Variants in MB observed in about 807,000 individuals in gnomAD.
MB encodes nitrite reductase MB.
Under a neutral mutation model 14.5 loss-of-function variants are expected in MB, and 10 were observed. The observed-to-expected ratio is 0.69, with a 90% CI of 0.43 to 1.17. The LOEUF (loss-of-function observed/expected upper bound fraction) is 1.17, where lower values mean the gene tolerates loss of function less well. MB is among the 50% of genes most tolerant of loss of function. The pLI is 0.00. For missense variants in MB, 169 were observed against 192.7 expected, an observed-to-expected ratio of 0.88 and a Z score of 0.73; for synonymous variants, 89 against 78.6, an observed-to-expected ratio of 1.13 and a Z score of -0.70.
At chr22:35,616,182 C>A (rs567940178) in intron 1 of MB, among the ~76,000 whole-genome samples, 1 of 152,330 alleles carries the variant, frequency 6.6e-6, no homozygotes, top group Admixed American at 6.5e-5. Context: ...AACGTTGATT[C>A]TTAACCTATT....
chr22:35,611,183 G>A, intron 1 of MB, 77 bp from the exon 2 acceptor site: 4 of 1,006,646 alleles, frequency 4.0e-6, no homozygotes, highest in Non-Finnish European at 6.2e-6. Context: ...TAGAGTTCAA[G>A]TTTAGCTCCC....
upstream of MB, chr22:35,617,365 C>A: frequency 1.3e-6 from 1 of 746,814 alleles, no homozygotes; most frequent in Admixed American, 2.4e-5. Context: ...TTTATACCTT[C>A]TGGGATGCTT....
At chr22:35,617,332 G>T (rs1923153125), upstream of MB, 5 of 1,229,384 alleles carry the variant, frequency 4.1e-6, no homozygotes, top group South Asian at 3.7e-5. Flanking sequence ...TGGGGTTTGA[G>T]GCTGCCTGGT....
intron 1 of MB, among the ~76,000 whole-genome samples, chr22:35,612,825 C>T (rs1404508611): frequency 6.6e-6 from 1 of 152,188 alleles, no homozygotes; most frequent in East Asian, 1.9e-4. Context: ...CACACGTGTA[C>T]ATGCATGCAG....
At position 35,617,218 on chromosome 22, in the gene MB, C is replaced by G; in HGVS notation, c.40G>C (p.Val14Leu). 3.7e-6 allele frequency: 6 copies of G among 1,614,204 alleles called. No homozygotes were observed. The highest frequency in any genetic ancestry group is 5.1e-6 in the Non-Finnish European group (6 of 1,180,026). The change falls in exon 1 of 3, where the codon GTC becomes CTC. Residue 14 changes from valine (V) to leucine (L), a missense_variant. Coordinates refer to ENST00000397326, the MANE Select transcript of MB (RefSeq NM_005368.3). ...ATGTCAGCCTCCACCTTCCCCCAGA[C>G]GTTCAGCACCAACTGCCATTCCCCG... Reference protein sequence around the residue: ...SDGEWQLVLNVWGKVEADIPG... With the variant: ...SDGEWQLVLNLWGKVEADIPG...
Position 35,607,303 on chromosome 22 carries a change from C to A in MB, c.459G>T (p.Gln153His). 6.2e-7 allele frequency: 1 copy of A among 1,612,790 alleles called. No homozygotes were observed. The highest frequency in any genetic ancestry group is 8.5e-7 in the Non-Finnish European group (1 of 1,178,974). ...MASNYKELGF[Q>H]G The stretch of plus-strand genomic sequence containing the variant: ...GGGTGGGAGCGGCAGGGGCCTAGCC[C>A]TGGAAGCCCAGCTCCTTGTAGTTGG... Residue 153 changes from glutamine (Q) to histidine (H), a missense_variant, in exon 3 of 3, where the codon CAG (glutamine) becomes CAT (histidine). Coordinates refer to ENST00000397326, the MANE Select transcript of MB (RefSeq NM_005368.3).
intron 1 of MB, among the ~76,000 whole-genome samples, chr22:35,612,568 T>G (rs896096770): frequency 3.3e-5 from 5 of 152,148 alleles, no homozygotes; most frequent in Non-Finnish European, 7.4e-5. Context: ...GTGATCCGCC[T>G]GCCTCAGCCT....
chr22:35,607,181 A>G lies in MB; in HGVS notation c.*116T>C. ...CCCAGCCCCTCAGCTCCTCCTGCCC[A>G]CCTCTACTAAACAAAGCAGACACTC... On this transcript the variant is annotated 3_prime_UTR_variant, in exon 3 of 3. Transcript: ENST00000397326. The G allele has an allele frequency of 8.0e-7, 1 of 1,253,900 alleles. No homozygotes were observed. Among genetic ancestry groups the G allele is most frequent in the Non-Finnish European group, 1.1e-6 (1 of 918,652 alleles). 77.7% of individuals were successfully genotyped at this position (1,253,900 alleles called of 1,614,324 possible).
chr22:35,613,293 A>T (rs553456044), intron 1 of MB, among the ~76,000 whole-genome samples: 2 of 152,308 alleles, frequency 1.3e-5, no homozygotes, highest in African/African-American at 4.8e-5. Flanking sequence ...CTGCCCTCTG[A>T]TATCTAGGGA....
At chr22:35,622,641 T>C (rs1460481154) in intron 1 of MB, 1 of 152,404 alleles carries the variant, frequency 6.6e-6, no homozygotes, top group Non-Finnish European at 1.5e-5. Context: ...CAGAGGGGCT[T>C]ATTGGAGGAG....
intron 2 of MB, among the ~76,000 whole-genome samples, chr22:35,609,389 G>A (rs1922403813): frequency 6.6e-6 from 1 of 152,206 alleles, no homozygotes; most frequent in African/African-American, 2.4e-5. Flanking sequence ...GGATGAACAG[G>A]GATTTGCAGA....
At position 35,607,295 on chromosome 22, in the gene MB, G is replaced by C. The variant is rs557717660; in HGVS notation, c.*2C>G. On this transcript the variant is annotated 3_prime_UTR_variant, in exon 3 of 3. Transcript: ENST00000397326. ...ATGGGTGGGGGTGGGAGCGGCAGGG[G>C]CCTAGCCCTGGAAGCCCAGCTCCTT... 1.9e-6 allele frequency: 3 copies of C among 1,611,792 alleles called. No homozygotes were observed.
upstream of MB, among the ~76,000 whole-genome samples, chr22:35,620,479 GAC>G (rs1923392427): frequency 2.0e-5 from 3 of 152,218 alleles, no homozygotes; most frequent in African/African-American, 7.2e-5. Context: ...CAGAAGGAAA[GAC>G]AACTCTGAGA....
Position 35,607,251 on chromosome 22 carries a change from T to C in MB, c.*46A>G, listed in dbSNP as rs368581655. 1.7e-4 allele frequency: 265 copies of C among 1,586,816 alleles called. 1 individual carries two copies. The African/African-American group carries it at 3.2e-3, about 19-fold the overall frequency. On this transcript the variant is annotated 3_prime_UTR_variant, in exon 3 of 3. Transcript: ENST00000397326. ...CTACACGAGATCAGACCCCGCTCTC[T>C]CTTGAACCCGGGGCCCAGATGGGTG...
chr22:35,617,530 G>A, upstream of MB: 1 of 452,874 alleles, frequency 2.2e-6, no homozygotes, highest in South Asian at 2.9e-5. Flanking sequence ...GGACAGCTCA[G>A]GCCACAGGGG....
At chr22:35,619,403 A>G (rs1280879321), upstream of MB, among the ~76,000 whole-genome samples, 1 of 152,230 alleles carries the variant, frequency 6.6e-6, no homozygotes, top group Non-Finnish European at 1.5e-5. Context: ...AGGATAAGCC[A>G]GTGTTTGGGC....
intron 1 of MB, among the ~76,000 whole-genome samples, chr22:35,616,709 C>T (rs1015415887): frequency 2.0e-5 from 3 of 152,150 alleles, no homozygotes; most frequent in Non-Finnish European, 4.4e-5. Flanking sequence ...AGTGGCAGAG[C>T]CAAGTCTAGA....
At chr22:35,621,218 C>T (rs1229048051), upstream of MB, among the ~76,000 whole-genome samples, 2 of 152,186 alleles carry the variant, frequency 1.3e-5, no homozygotes, top group Admixed American at 1.3e-4. Flanking sequence ...ATGCTACACA[C>T]ACGCACACAC....
Position 35,607,517 on chromosome 22 carries a change from C to T in MB, c.319-74G>A, listed in dbSNP as rs1164452650. On this transcript the variant is annotated intron_variant, in intron 2 of 2. Transcript: ENST00000397326. ...AGGGGCCAGATGGGAGTCAGTTGTC[C>T]TCCTACCTTCTCTTTATTCCAGGAC... 4 of 1,426,562 alleles carry T rather than the reference C, an allele frequency of 2.8e-6. No individual in the cohort carries two copies. In the African/African-American group the frequency reaches 4.2e-5, roughly 15 times the overall value. The allele number at this position is 1,426,562 out of a possible 1,614,324, so 88.4% of individuals were successfully genotyped here.
Sources: gnomAD v4.1 joint callset for allele counts (sites outside exome capture counted in the v4.1 genomes callset) on GRCh38, gnomAD v4.1.1 for gene constraint, MANE v1.5 for transcripts, NCBI Gene and HGNC (gene_info 2026-07-23, HGNC 2026-07-21) for gene names.